The following RAD51B variants were observed in gnomAD, a reference collection of about 807,000 sequenced individuals.
The protein encoded by RAD51B is DNA repair protein RAD51 homolog 2.
A neutral mutation model predicts 42.2 loss-of-function variants in RAD51B; 38 were observed. The ratio of observed to expected loss-of-function variants is 0.90; its 90% CI spans 0.70 to 1.18. The LOEUF is 1.18. Ranked by LOEUF, RAD51B falls within the 50% of genes most tolerant of loss-of-function variation. The pLI, the probability that RAD51B is intolerant of heterozygous loss-of-function variation, is 0.00. For missense variants in RAD51B, 373 were observed against 400.7 expected (o/e 0.93, Z 0.59); for synonymous variants, 154 against 145.2 (o/e 1.06, Z -0.43).
At chr14:67,927,666 T>C (rs908492718) in intron 7 of RAD51B, among the ~76,000 whole-genome samples, 1 of 151,988 alleles carries the variant, frequency 6.6e-6, no homozygotes, top group Admixed American at 6.6e-5. Flanking sequence ...AATGACATGA[T>C]TTCATTCTTT....
chr14:68,518,530 C>T (rs928815485), intron 10 of RAD51B, among the ~76,000 whole-genome samples: 1 of 151,818 alleles, frequency 6.6e-6, no homozygotes, highest in African/African-American at 2.4e-5. Context: ...AGCCTTAAGC[C>T]GATGGTGACC....
intron 7 of RAD51B, among the ~76,000 whole-genome samples, chr14:67,935,504 A>G (rs1489031688): frequency 1.3e-5 from 2 of 152,146 alleles, no homozygotes; most frequent in African/African-American, 2.4e-5. Flanking sequence ...AGCTAGGACT[A>G]CAGGCACATA....
intron 8 of RAD51B, among the ~76,000 whole-genome samples, chr14:68,305,324 A>G (rs151043000): frequency 1.6e-4 from 24 of 152,388 alleles, no homozygotes; most frequent in African/African-American, 5.5e-4. Context: ...TCAGGAGGCC[A>G]TAAGAACGGT....
chr14:68,123,437 C>T (rs1170236280), intron 7 of RAD51B, among the ~76,000 whole-genome samples: 1 of 152,022 alleles, frequency 6.6e-6, no homozygotes, highest in African/African-American at 2.4e-5. Flanking sequence ...AGCAGTCTTC[C>T]CACCTTGGCC....
At chr14:68,676,738 G>A (rs1017293104) in intron 11 of RAD51B, among the ~76,000 whole-genome samples, 4 of 152,350 alleles carry the variant, frequency 2.6e-5, no homozygotes, top group Admixed American at 2.6e-4. Flanking sequence ...GTCTTGCTCT[G>A]GTGGCTTTCA....
intron 7 of RAD51B, among the ~76,000 whole-genome samples, chr14:68,067,341 G>A (rs1232569610): frequency 7.9e-5 from 12 of 151,358 alleles, no homozygotes; most frequent in Non-Finnish European, 8.8e-5. Flanking sequence ...GCAGGCGCCT[G>A]TAATCCCAGC....
At chr14:68,096,470 A>G (rs772780265) in intron 7 of RAD51B, among the ~76,000 whole-genome samples, 64 of 152,336 alleles carry the variant, frequency 4.2e-4, no homozygotes, top group Middle Eastern at 6.8e-3. Context: ...CCTCTTGCAG[A>G]GGTACTTTCT....
chr14:68,235,765 T>C (rs986232320), intron 7 of RAD51B, among the ~76,000 whole-genome samples: 2 of 147,978 alleles, frequency 1.4e-5, no homozygotes, highest in African/African-American at 5.0e-5. Flanking sequence ...CATGTGTTCA[T>C]TGTAGCACTA....
At chr14:68,170,236 G>A (rs2140854170) in intron 7 of RAD51B, among the ~76,000 whole-genome samples, 1 of 152,260 alleles carries the variant, frequency 6.6e-6, no homozygotes, top group East Asian at 1.9e-4. Flanking sequence ...ATTCTCTCTA[G>A]AGTTTAGCAG....
At chr14:67,977,865 G>A (rs528390264) in intron 7 of RAD51B, among the ~76,000 whole-genome samples, 10 of 152,168 alleles carry the variant, frequency 6.6e-5, no homozygotes, top group African/African-American at 9.6e-5. Flanking sequence ...CAGTTCTTTC[G>A]GCCACTTTAA....
chr14:68,004,399 T>A (rs568276827), intron 7 of RAD51B, among the ~76,000 whole-genome samples: 14 of 151,844 alleles, frequency 9.2e-5, no homozygotes, highest in African/African-American at 3.1e-4. Context: ...GTTTAAGAAT[T>A]CCTTGTAGTT....
chr14:68,154,705 T>A (rs984396001), intron 7 of RAD51B, among the ~76,000 whole-genome samples: 5 of 152,162 alleles, frequency 3.3e-5, no homozygotes, highest in African/African-American at 1.2e-4. Context: ...TTTTTTTTTT[T>A]TTTCCCTCAT....
chr14:68,660,972 T>C (rs1402450651), intron 11 of RAD51B, among the ~76,000 whole-genome samples: 1 of 152,042 alleles, frequency 6.6e-6, no homozygotes, highest in Non-Finnish European at 1.5e-5. Flanking sequence ...CCAAATCGCG[T>C]ATAGTGTCTC....
intron 10 of RAD51B, among the ~76,000 whole-genome samples, chr14:68,519,723 G>T (rs1017179126): frequency 4.6e-5 from 7 of 152,222 alleles, no homozygotes; most frequent in African/African-American, 1.7e-4. Context: ...GGTGGGACCA[G>T]TGGAGCCCAG....
At position 67,980,723 on chromosome 14, in the gene RAD51B, A is replaced by G. The variant is rs73282491; in HGVS notation, c.756+93519A>G. On this transcript the variant is annotated intron_variant, in intron 7 of 10. Coordinates refer to ENST00000471583, the MANE Select transcript of RAD51B (RefSeq NM_133510.4). Reference sequence around the variant, plus strand: ...AAATTATTTATATCACATACCATATAAAAACTAACTCAAAACAGATCATAG... The same window carrying G: ...AAATTATTTATATCACATACCATATGAAAACTAACTCAAAACAGATCATAG... Among the ~76,000 whole-genome samples, 1,483 of 152,340 alleles carry G rather than the reference A, an allele frequency of 9.7e-3. 26 individuals carry two copies. Among genetic ancestry groups the G allele is most frequent in the African/African-American group, 0.034 (1,404 of 41,572 alleles).
At chr14:68,682,905 T>C in intron 11 of RAD51B, 4 of 926,074 alleles carry the variant, frequency 4.3e-6, no homozygotes, top group African/African-American at 4.0e-5. Context: ...ATCTGTAGCT[T>C]ATGGCTTTTT....
chr14:68,178,698 A>G (rs971226582), intron 7 of RAD51B, among the ~76,000 whole-genome samples: 2 of 152,200 alleles, frequency 1.3e-5, no homozygotes, highest in African/African-American at 4.8e-5. Flanking sequence ...CATATTGGAA[A>G]TTGGCAGAAT....
chr14:68,661,829 T>G (rs1157378930), intron 11 of RAD51B, among the ~76,000 whole-genome samples: 1 of 152,200 alleles, frequency 6.6e-6, no homozygotes, highest in African/African-American at 2.4e-5. Context: ...TGCCAGCAGG[T>G]TGTGCTCTAG....
chr14:67,856,369 T>C (rs80216260), intron 4 of RAD51B, among the ~76,000 whole-genome samples: 4 of 152,120 alleles, frequency 2.6e-5, no homozygotes, highest in Admixed American at 2.0e-4. Flanking sequence ...TTTTTTTTTT[T>C]CCTTTTTTAT....
Sources: allele counts gnomAD v4.1 joint callset (sites outside exome capture counted in the v4.1 genomes callset), GRCh38; gene constraint gnomAD v4.1.1; transcripts MANE v1.5; gene names NCBI Gene and HGNC (gene_info 2026-07-23, HGNC 2026-07-21).